The following KLHL22 variants were observed in gnomAD, a reference collection of about 807,000 sequenced individuals.
The protein encoded by KLHL22 is kelch-like protein 22.
In KLHL22, 18 loss-of-function variants were observed where a neutral mutation model predicts 60.7. The observed-to-expected ratio is 0.30, with a 90% CI of 0.20 to 0.44. The LOEUF (loss-of-function observed/expected upper bound fraction) is 0.44. Among genes scored for constraint, KLHL22 ranks in the 20% least tolerant of loss-of-function variants. The pLI is 1.00. For missense variants in KLHL22, 596 were observed against 852.3 expected (o/e 0.70, Z 3.74); for synonymous variants, 355 against 354.5 (o/e 1.00, Z -0.01).
At chr22:20,447,839 C>T (rs1413573555) in intron 5 of KLHL22, among the ~76,000 whole-genome samples, 1 of 152,182 alleles carries the variant, frequency 6.6e-6, no homozygotes, top group East Asian at 1.9e-4. Flanking sequence ...CCACGCCCAG[C>T]CGAGGTTTTT....
At chr22:20,488,622 T>G in intron 2 of KLHL22, 1 of 250,054 alleles carries the variant, frequency 4.0e-6, no homozygotes, top group Non-Finnish European at 7.5e-6. Flanking sequence ...GGATGAGAGG[T>G]GTGAGCCAGA....
intron 1 of KLHL22, among the ~76,000 whole-genome samples, chr22:20,494,717 T>G (rs1183253487): frequency 6.6e-6 from 1 of 152,132 alleles, no homozygotes; most frequent in South Asian, 2.1e-4. Flanking sequence ...CAAGCCAAGT[T>G]CCCCGTTTTG....
chr22:20,447,687 C>T (rs184978351), intron 5 of KLHL22, among the ~76,000 whole-genome samples: 3 of 151,782 alleles, frequency 2.0e-5, no homozygotes, highest in East Asian at 2.0e-4. Flanking sequence ...GGATTATAGG[C>T]GCCCGCCACC....
Position 20,447,544 on chromosome 22 carries a change from C to CTT in KLHL22, c.1306-870_1306-869dup, listed in dbSNP as rs11463939. 2.7e-3 allele frequency among the ~76,000 whole-genome samples: 360 copies of CTT among 135,418 alleles called. 8 individuals are homozygous for CTT. Among genetic ancestry groups the CTT allele is most frequent in the Non-Finnish European group, 3.3e-3 (212 of 63,556 alleles). 88.8% of individuals were successfully genotyped at this position (135,418 alleles called of 152,430 possible). On this transcript the variant is annotated intron_variant, in intron 5 of 6. Coordinates refer to ENST00000328879, the MANE Select transcript of KLHL22 (RefSeq NM_032775.4). ...CCAGTAGGGGTCTGGGGAGGTTTTT[C>CTT]TTTTTTTTTTTTTTTTTGAGACGGA...
chr22:20,451,384 G>A, intron 5 of KLHL22: 1 of 1,611,726 alleles, frequency 6.2e-7, no homozygotes, highest in Middle Eastern at 1.7e-4. Flanking sequence ...CGGACTCGTA[G>A]TGGCCAGTGG....
At chr22:20,461,445 C>T (rs1176177783) in intron 4 of KLHL22, among the ~76,000 whole-genome samples, 4 of 146,866 alleles carry the variant, frequency 2.7e-5, no homozygotes, top group South Asian at 2.2e-4. Context: ...CCCACCTACT[C>T]GGGAGGCTGA....
At chr22:20,477,332 A>G (rs1447753366) in intron 2 of KLHL22, among the ~76,000 whole-genome samples, 1 of 152,004 alleles carries the variant, frequency 6.6e-6, no homozygotes, top group East Asian at 1.9e-4. Flanking sequence ...CGGAGGTTGC[A>G]GTGAGCTGAT....
At chr22:20,494,569 C>T (rs759209421) in intron 1 of KLHL22, among the ~76,000 whole-genome samples, 2 of 151,926 alleles carry the variant, frequency 1.3e-5, no homozygotes, top group Non-Finnish European at 2.9e-5. Flanking sequence ...TTAGTAGAGA[C>T]GGGGTTTCAC....
chr22:20,448,590 G>A (rs771866171), intron 5 of KLHL22, among the ~76,000 whole-genome samples: 1 of 152,070 alleles, frequency 6.6e-6, no homozygotes, highest in African/African-American at 2.4e-5. Flanking sequence ...TTTGAGACAG[G>A]GTCTTGGTCT....
intron 1 of KLHL22, among the ~76,000 whole-genome samples, chr22:20,493,932 G>A (rs868404608): frequency 6.6e-6 from 1 of 152,012 alleles, no homozygotes; most frequent in African/African-American, 2.4e-5. Context: ...GCGTGGTGGC[G>A]CATGCCTGTT....
intron 5 of KLHL22, among the ~76,000 whole-genome samples, chr22:20,456,920 C>G (rs2053071727): frequency 6.6e-6 from 1 of 152,186 alleles, no homozygotes; most frequent in Non-Finnish European, 1.5e-5. Context: ...TAGAACCTGC[C>G]CCCCATACCA....
At chr22:20,452,139 T>C (rs1339428761) in intron 5 of KLHL22, among the ~76,000 whole-genome samples, 3 of 151,946 alleles carry the variant, frequency 2.0e-5, no homozygotes, top group African/African-American at 7.3e-5. Flanking sequence ...GTGTACTATA[T>C]GTATGTTGTG....
rs1237718542 is a variant in KLHL22, at chr22:20,442,162, G to A, written c.1816C>T (p.Pro606Ser). Residue 606 changes from proline (P) to serine (S), a missense_variant, in exon 7 of 7, where the codon CCT becomes TCT. Coordinates refer to ENST00000328879, the MANE Select transcript of KLHL22 (RefSeq NM_032775.4). ...SLLLEPPRGTPDRSQADPDFA... is the reference protein window; with the variant it reads ...SLLLEPPRGTSDRSQADPDFA... The stretch of plus-strand genomic sequence containing the variant: ...TCCGGGTCGGCCTGGCTGCGGTCAG[G>A]GGTCCCGCGGGGCGGCTCAAGGAGC... 8.4e-6 allele frequency: 13 copies of A among 1,550,760 alleles called. No homozygotes were observed. Among genetic ancestry groups the A allele is most frequent in the Non-Finnish European group, 1.1e-5 (13 of 1,147,282 alleles).
intron 2 of KLHL22, among the ~76,000 whole-genome samples, chr22:20,472,412 G>C (rs948544796): frequency 2.6e-5 from 4 of 152,116 alleles, no homozygotes; most frequent in Admixed American, 2.6e-4. Flanking sequence ...GCAACACGGT[G>C]AAATCCTGTC....
chr22:20,465,017 G>A lies in KLHL22; in HGVS notation c.953C>T (p.Ala318Val). 3 of 1,611,664 alleles carry A rather than the reference G, an allele frequency of 1.9e-6. No individual in the cohort carries two copies. Among genetic ancestry groups the A allele is most frequent in the Non-Finnish European group, 2.5e-6 (3 of 1,178,808 alleles). Residue 318 changes from alanine to valine, a missense_variant, in exon 4 of 7, where the codon GCC (alanine) becomes GTC (valine). Transcript: ENST00000328879. This position sits in a 1 kb window ranked among gnomAD's most constrained non-coding sequence, Gnocchi z 4.9. ...STPSTVLSDQ[A>V]KYLNPLLGEW... The stretch of plus-strand genomic sequence containing the variant: ...TCCCAGTAAGGGGTTTAGATACTTG[G>A]CCTGGTCGCTGAGGACAGTGGACGG...
At chr22:20,483,180 G>A in intron 2 of KLHL22, 2 of 639,596 alleles carry the variant, frequency 3.1e-6, no homozygotes, top group South Asian at 1.7e-5. Flanking sequence ...AAGGAGTCCA[G>A]GTTGATCTCC....
chr22:20,441,785 G>A lies in KLHL22; in HGVS notation c.*288C>T. On this transcript the variant is annotated 3_prime_UTR_variant, in exon 7 of 7. Coordinates refer to ENST00000328879, the MANE Select transcript of KLHL22 (RefSeq NM_032775.4). ...TCCTTTTGGAGAAGGACTGATCTAG[G>A]CAGGGAGGAGAGAAGGCCAACCCCT... 3.0e-6 allele frequency: 1 copy of A among 332,144 alleles called. No individual in the cohort carries two copies. Among genetic ancestry groups the A allele is most frequent in the Non-Finnish European group, 5.5e-6 (1 of 180,926 alleles). 20.6% of individuals were successfully genotyped at this position (332,144 alleles called of 1,614,324 possible). A position where few individuals can be genotyped will look rare whatever the true frequency, so the allele number is the denominator to read the frequency against.
In KLHL22 at chr22:20,457,821, G is replaced by T; in HGVS notation, c.1292C>A (p.Pro431Gln). ...GGGCTTCCTTACCTCCCTCTTGAGT[G>T]GGGCCACGTATGCCCAGGAGTTGGT... is the stretch of plus-strand genomic sequence containing the variant. ...PATNSWAYVA[P>Q]LKREVYAHAG... Residue 431 changes from proline to glutamine, a missense_variant, in exon 5 of 7, where the codon CCA (proline) becomes CAA (glutamine). By Grantham distance (76) the Pro-to-Gln change is moderately conservative. Transcript: ENST00000328879. The T allele has an allele frequency of 6.2e-7, 1 of 1,601,704 alleles. No homozygotes were observed. The highest frequency in any genetic ancestry group is 2.2e-5 in the East Asian group (1 of 44,502).
At chr22:20,475,977 G>A (rs2053405594) in intron 2 of KLHL22, among the ~76,000 whole-genome samples, 1 of 152,116 alleles carries the variant, frequency 6.6e-6, no homozygotes, top group African/African-American at 2.4e-5. Flanking sequence ...TTGAATTTTA[G>A]AATCAAGTTT....
Sources: gnomAD v4.1 joint callset for allele counts (sites outside exome capture counted in the v4.1 genomes callset) on GRCh38, gnomAD v4.1.1 for gene constraint, Gnocchi (gnomAD v3.1) non-coding constraint, MANE v1.5 for transcripts, NCBI Gene and HGNC (gene_info 2026-07-23, HGNC 2026-07-21) for gene names.